The following CALN1 variants were observed in gnomAD, a reference collection of about 807,000 sequenced individuals.
CALN1 encodes calcium-binding protein 8.
A neutral mutation model predicts 30.6 loss-of-function variants in CALN1; 17 were observed. That is an observed-to-expected ratio of 0.56 (90% CI 0.38 to 0.83). The LOEUF (loss-of-function observed/expected upper bound fraction) is 0.83. CALN1 is among the 40% of genes least tolerant of loss of function. The pLI is 0.00. For missense variants in CALN1, 291 were observed against 354.9 expected, an observed-to-expected ratio of 0.82 and a Z score of 1.45; for synonymous variants, 156 against 131.4, an observed-to-expected ratio of 1.19 and a Z score of -1.28.
chr7:72,391,439 G>A (rs150610596), intron 2 of CALN1, among the ~76,000 whole-genome samples: 76 of 151,964 alleles, frequency 5.0e-4, no homozygotes, highest in African/African-American at 1.7e-3. Context: ...CCAAAGAGGT[G>A]CACTGCTAGG....
chr7:72,307,527 T>A (rs1295354994), intron 2 of CALN1, among the ~76,000 whole-genome samples: 17 of 152,190 alleles, frequency 1.1e-4, no homozygotes, highest in Non-Finnish European at 2.9e-5. Flanking sequence ...TCGGATGGTA[T>A]CAGAGCAGAA....
intron 2 of CALN1, among the ~76,000 whole-genome samples, chr7:72,394,167 T>TGATCCTGCACCCTCTC (rs1308851413): frequency 1.3e-5 from 2 of 152,196 alleles, no homozygotes; most frequent in Non-Finnish European, 2.9e-5. Context: ...ACACTTCTCT[T>TGATCCTGCACCCTCTC]GATCCTGCAC....
At chr7:72,430,013 G>T (rs1367013868) in intron 1 of CALN1, among the ~76,000 whole-genome samples, 1 of 150,794 alleles carries the variant, frequency 6.6e-6, no homozygotes. Flanking sequence ...TAGAGACAGG[G>T]TTTCACCTTG....
chr7:72,331,081 G>A (rs575342417), intron 2 of CALN1, among the ~76,000 whole-genome samples: 53 of 152,266 alleles, frequency 3.5e-4, no homozygotes, highest in African/African-American at 1.2e-3. Context: ...CGGGCACGGT[G>A]GCTCATACCT....
intron 2 of CALN1, among the ~76,000 whole-genome samples, chr7:72,349,232 T>C (rs1802796003): frequency 6.6e-6 from 1 of 151,970 alleles, no homozygotes; most frequent in African/African-American, 2.4e-5. Flanking sequence ...ATATGTTCGA[T>C]TTTAATACCT....
chr7:71,851,128 G>A (rs1302584441), intron 5 of CALN1, among the ~76,000 whole-genome samples: 3 of 151,690 alleles, frequency 2.0e-5, no homozygotes, highest in Non-Finnish European at 2.9e-5. Flanking sequence ...AGGTGTGAGG[G>A]TTGCGTGAAC....
At chr7:71,819,060 G>A (rs1349085040) in intron 5 of CALN1, among the ~76,000 whole-genome samples, 3 of 151,904 alleles carry the variant, frequency 2.0e-5, no homozygotes, top group South Asian at 4.2e-4. Flanking sequence ...TTGCTATGTC[G>A]CCCAGGCTGG....
the CALN1 span, among the ~76,000 whole-genome samples, chr7:72,500,923 AC>A: frequency 6.6e-6 from 1 of 152,162 alleles, no homozygotes; most frequent in Non-Finnish European, 1.5e-5. Context: ...ATTCAAAAGA[AC>A]AGTACCTAAA....
At chr7:72,288,164 G>A (rs528903911) in intron 2 of CALN1, among the ~76,000 whole-genome samples, 11 of 152,210 alleles carry the variant, frequency 7.2e-5, no homozygotes, top group South Asian at 4.2e-4. Context: ...AGGCCTGACC[G>A]GGGCTGGAGG....
At chr7:72,156,598 T>G (rs1166270442) in intron 3 of CALN1, among the ~76,000 whole-genome samples, 1 of 152,170 alleles carries the variant, frequency 6.6e-6, no homozygotes, top group Non-Finnish European at 1.5e-5. Flanking sequence ...AGTCCCCATG[T>G]CACCACCGTA....
At chr7:71,979,148 C>G (rs1289552829) in intron 5 of CALN1, among the ~76,000 whole-genome samples, 4 of 152,172 alleles carry the variant, frequency 2.6e-5, no homozygotes, top group Non-Finnish European at 5.9e-5. Context: ...GTCCTCTGAG[C>G]ATCACTCTAT....
intron 1 of CALN1, among the ~76,000 whole-genome samples, chr7:72,418,405 G>T (rs1585707797): frequency 6.6e-6 from 1 of 152,152 alleles, no homozygotes; most frequent in East Asian, 1.9e-4. Flanking sequence ...CTTTGCTCTT[G>T]TGAATAATGC....
intron 2 of CALN1, among the ~76,000 whole-genome samples, chr7:72,334,522 A>AC (rs199877727): frequency 5.3e-5 from 8 of 151,454 alleles, no homozygotes; most frequent in Admixed American, 1.3e-4. Context: ...CTCAACCTGT[A>AC]CCCCCCCTCC....
chr7:71,976,927 C>A (rs777821621), intron 5 of CALN1, among the ~76,000 whole-genome samples: 1 of 152,114 alleles, frequency 6.6e-6, no homozygotes, highest in African/African-American at 2.4e-5. Flanking sequence ...GAGATAACTG[C>A]GCATGCCCAA....
chr7:71,953,938 C>CA (rs372463315), intron 5 of CALN1, among the ~76,000 whole-genome samples: 37 of 151,252 alleles, frequency 2.4e-4, no homozygotes, highest in Non-Finnish European at 3.5e-4. Context: ...GCAGTGTGGA[C>CA]AAAAAAAACA....
intron 3 of CALN1, among the ~76,000 whole-genome samples, chr7:72,198,759 T>C (rs1009890955): frequency 2.6e-5 from 4 of 152,168 alleles, no homozygotes; most frequent in African/African-American, 4.8e-5. Flanking sequence ...CTTTGCACAC[T>C]ATATGATCAA....
At chr7:72,269,771 G>A (rs952181502) in intron 3 of CALN1, among the ~76,000 whole-genome samples, 4 of 152,168 alleles carry the variant, frequency 2.6e-5, no homozygotes, top group African/African-American at 9.7e-5. Flanking sequence ...ACAATGTTCA[G>A]TCTATAGTCA....
intron 4 of CALN1, among the ~76,000 whole-genome samples, chr7:72,060,477 C>T (rs796761514): frequency 1.1e-4 from 16 of 152,228 alleles, no homozygotes; most frequent in African/African-American, 2.6e-4. Context: ...AAAGCTACCC[C>T]GCCATTTTGT....
the CALN1 span, among the ~76,000 whole-genome samples, chr7:72,457,855 A>G: frequency 6.6e-6 from 1 of 151,224 alleles, no homozygotes; most frequent in Non-Finnish European, 1.5e-5. Context: ...TCTCAGGCTC[A>G]AGTGATCCTC....
Sources: allele counts gnomAD v4.1 joint callset (sites outside exome capture counted in the v4.1 genomes callset), GRCh38; gene constraint gnomAD v4.1.1; transcripts MANE v1.5; gene names NCBI Gene and HGNC (gene_info 2026-07-23, HGNC 2026-07-21).